OFD1: variants seen among roughly 807,000 people sequenced by gnomAD.
The protein encoded by OFD1 is OFD1 centriole and centriolar satellite protein.
In OFD1, 12 loss-of-function variants were observed where a neutral mutation model predicts 81.4. The ratio of observed to expected loss-of-function variants is 0.15; its 90% CI spans 0.09 to 0.24. The LOEUF (loss-of-function observed/expected upper bound fraction) is 0.24. Among genes scored for constraint, OFD1 ranks in the 10% least tolerant of loss-of-function variants. OFD1 has a pLI of 1.00. For synonymous variants in OFD1, 256 were observed against 263.7 expected (o/e 0.97, Z 0.28); for missense variants, 685 against 733.9 (o/e 0.93, Z 0.77).
chrX:13,715,750 A>G, the OFD1 span: 2 of 882,015 alleles, frequency 2.3e-6, no homozygotes, highest in African/African-American at 2.1e-5. Context: ...TATGAGGACA[A>G]CAAGGTGAAG....
At chrX:13,743,255 A>G (rs771381163) in intron 5 of OFD1, among the ~76,000 whole-genome samples, 1 of 112,658 alleles carries the variant, frequency 8.9e-6, no homozygotes, top group African/African-American at 3.2e-5. Context: ...TAATTAAAAC[A>G]CAATCAATTG....
At chrX:13,761,061 G>T (rs146759174) in intron 16 of OFD1, 24 bp from the exon 17 acceptor site, 2 of 1,208,512 alleles carry the variant, frequency 1.7e-6, no homozygotes, top group African/African-American at 3.5e-5. Flanking sequence ...TAATATTCTT[G>T]CCTTGGTTCT....
At chrX:13,718,922 G>A in the OFD1 span, among the ~76,000 whole-genome samples, 6 of 111,181 alleles carry the variant, frequency 5.4e-5, no homozygotes, top group South Asian at 2.3e-3. Flanking sequence ...TTGGGAGGCC[G>A]AGGGCAGGCA....
chrX:13,729,051 G>T, the OFD1 span, among the ~76,000 whole-genome samples: 1 of 111,530 alleles, frequency 9.0e-6, no homozygotes, highest in African/African-American at 3.3e-5. Flanking sequence ...GGACGTGAAG[G>T]ACCTCTTCAA....
chrX:13,718,450 G>A, the OFD1 span, among the ~76,000 whole-genome samples: 1 of 112,625 alleles, frequency 8.9e-6, no homozygotes, highest in Non-Finnish European at 1.9e-5. Context: ...GGTAGCAGGA[G>A]AAAGAACTAA....
At chrX:13,746,190 TCAAAG>T in intron 6 of OFD1, 124 bp from the exon 7 acceptor site, 1 of 565,971 alleles carries the variant, frequency 1.8e-6, no homozygotes, top group Admixed American at 3.0e-5. Context: ...TTTTTGTATT[TCAAAG>T]TAAGTTGCAG....
Position 13,746,879 on chromosome X carries a change from G to A in OFD1, c.754G>A (p.Ala252Thr). The A allele has an allele frequency of 8.3e-7, 1 of 1,210,279 alleles. No homozygotes were observed. Among genetic ancestry groups the A allele is most frequent in the Non-Finnish European group, 1.1e-6 (1 of 894,169 alleles). The change falls in exon 8 of 23, where the codon GCT (alanine) becomes ACT (threonine). Residue 252 changes from alanine to threonine, a missense_variant. Transcript: ENST00000340096. ...LTMFQNDFEKACQAKSEALVL... is the reference protein window; with the variant it reads ...LTMFQNDFEKTCQAKSEALVL... ...CATGTTCCAGAATGATTTTGAAAAAGCTTGTCAAGCAAAATCTGAAGCTCT... is the reference window on the plus strand; with the variant it reads ...CATGTTCCAGAATGATTTTGAAAAAACTTGTCAAGCAAAATCTGAAGCTCT...
At chrX:13,729,668 G>A in the OFD1 span, among the ~76,000 whole-genome samples, 8 of 111,886 alleles carry the variant, frequency 7.2e-5, no homozygotes, top group African/African-American at 1.9e-4. Context: ...CGGCACTTTG[G>A]GAGGCTGAGG....
chrX:13,754,844 A>G (rs2047640296), intron 11 of OFD1, among the ~76,000 whole-genome samples: 1 of 113,069 alleles, frequency 8.8e-6, no homozygotes, highest in African/African-American at 3.2e-5. Flanking sequence ...TAACTACAAT[A>G]TAGTAACAGA....
chrX:13,761,624 C>T (rs11095626), intron 17 of OFD1, among the ~76,000 whole-genome samples: 31,670 of 111,325 alleles, frequency 0.28, 3,371 homozygotes, highest in South Asian at 0.47. Flanking sequence ...AATATTTTGG[C>T]ATTGAAATAT....
intron 19 of OFD1, among the ~76,000 whole-genome samples, chrX:13,764,282 T>G (rs2048041565): frequency 1.8e-5 from 2 of 112,565 alleles, no homozygotes; most frequent in African/African-American, 3.2e-5. Flanking sequence ...GATTGTAACA[T>G]TTAAATATTA....
chrX:13,733,989 A>C, upstream of OFD1: 1 of 512,215 alleles, frequency 2.0e-6, no homozygotes. Context: ...CGCTTCTGAG[A>C]GGTTTGGTTC....
chrX:13,716,739 A>G, the OFD1 span: 1 of 1,140,247 alleles, frequency 8.8e-7, no homozygotes. Context: ...GAATGCTGAC[A>G]TTTCATTCTG....
chrX:13,738,982 G>T lies in OFD1; in HGVS notation c.382-20G>T. 8.4e-7 allele frequency: 1 copy of T among 1,197,217 alleles called. No individual in the cohort carries two copies. Among genetic ancestry groups the T allele is most frequent in the Non-Finnish European group, 1.1e-6 (1 of 882,956 alleles). ...TATAACTGAATAGCTGAATAAAAGT[G>T]AAATATTTTCTTTTAACAGGTTTCA... On this transcript the variant is annotated intron_variant, in intron 4 of 22. Transcript: ENST00000340096.
intron 19 of OFD1, among the ~76,000 whole-genome samples, chrX:13,765,702 CA>C (rs1777567627): frequency 9.0e-6 from 1 of 111,530 alleles, no homozygotes; most frequent in Non-Finnish European, 1.9e-5. Context: ...GGGTCAGAGC[CA>C]GAAGAGAAAG....
downstream of OFD1, chrX:13,769,392 C>T (rs1015249424): frequency 8.3e-5 from 24 of 287,998 alleles, 1 homozygote; most frequent in Non-Finnish European, 1.2e-5. Flanking sequence ...ATGAGTATAA[C>T]CTATCTTACT....
chrX:13,732,762 G>A (rs566056508), upstream of OFD1, among the ~76,000 whole-genome samples: 1 of 113,093 alleles, frequency 8.8e-6, no homozygotes, highest in African/African-American at 3.2e-5. Flanking sequence ...AGTCTCTTAA[G>A]TTGTAGACAA....
At chrX:13,750,823 A>T (rs2047474499) in intron 9 of OFD1, among the ~76,000 whole-genome samples, 1 of 112,358 alleles carries the variant, frequency 8.9e-6, no homozygotes, top group African/African-American at 3.2e-5. Flanking sequence ...TGTACCTTGA[A>T]TATGTATGGA....
downstream of OFD1, chrX:13,772,004 T>A (rs1277469048): frequency 2.7e-5 from 3 of 112,539 alleles, no homozygotes; most frequent in Non-Finnish European, 3.8e-5. Context: ...GTCATTTTAA[T>A]AAGGTAACAC....
Sources: allele counts gnomAD v4.1 joint callset (sites outside exome capture counted in the v4.1 genomes callset), GRCh38; gene constraint gnomAD v4.1.1; transcripts MANE v1.5; gene names NCBI Gene and HGNC (gene_info 2026-07-23, HGNC 2026-07-21).